Variants in SAMD9L observed in about 807,000 individuals in gnomAD.
The protein encoded by SAMD9L is sterile alpha motif domain containing 9 like, also known as sterile alpha motif domain-containing protein 9-like.
In SAMD9L, 68 loss-of-function variants were observed where a neutral mutation model predicts 90.7. The observed-to-expected ratio is 0.75, with a 90% confidence interval of 0.62 to 0.92. The LOEUF (loss-of-function observed/expected upper bound fraction) is 0.92. Ranked by LOEUF, SAMD9L falls within the 40% of genes least tolerant of loss-of-function variation. The pLI is 0.00. For synonymous variants in SAMD9L, 640 were observed against 630.1 expected, an observed-to-expected ratio of 1.02 and a Z score of -0.23; for missense variants, 1,604 against 1,824.3, an observed-to-expected ratio of 0.88 and a Z score of 2.20.
intron 4 of SAMD9L, among the ~76,000 whole-genome samples, chr7:93,140,599 G>A (rs1478051262): frequency 2.6e-5 from 4 of 152,194 alleles, no homozygotes; most frequent in Non-Finnish European, 4.4e-5. Flanking sequence ...CGGTCACCTT[G>A]TTTCCCATTT....
intron 4 of SAMD9L, among the ~76,000 whole-genome samples, chr7:93,144,429 T>C (rs1175783355): frequency 6.6e-6 from 1 of 152,206 alleles, no homozygotes; most frequent in Non-Finnish European, 1.5e-5. Context: ...TATATAATAT[T>C]ACATTGTATT....
chr7:93,143,500 C>A (rs1289296924), intron 4 of SAMD9L, among the ~76,000 whole-genome samples: 1 of 152,184 alleles, frequency 6.6e-6, no homozygotes. Flanking sequence ...CCTACAACAC[C>A]TCCTCACCAC....
chr7:93,143,350 G>A (rs1305888383), intron 4 of SAMD9L, among the ~76,000 whole-genome samples: 1 of 152,098 alleles, frequency 6.6e-6, no homozygotes, highest in Non-Finnish European at 1.5e-5. Flanking sequence ...CACCCTGACT[G>A]GAACATGGCT....
intron 4 of SAMD9L, among the ~76,000 whole-genome samples, chr7:93,141,832 TAGTC>T (rs1177871630): frequency 6.6e-6 from 1 of 152,240 alleles, no homozygotes; most frequent in African/African-American, 2.4e-5. Flanking sequence ...CACTGACTCT[TAGTC>T]AGTGTCCTCT....
chr7:93,132,806 A>G lies in SAMD9L; in HGVS notation c.3166T>C (p.Ser1056Pro). 1 of 1,613,760 alleles carries G rather than the reference A, an allele frequency of 6.2e-7. No individual in the cohort carries two copies. Among genetic ancestry groups the G allele is most frequent in the Non-Finnish European group, 8.5e-7 (1 of 1,179,786 alleles). Residue 1056 changes from serine (S) to proline (P), a missense_variant, in exon 5 of 5, where the codon TCC (serine) becomes CCC (proline). Transcript: ENST00000318238. ...VYGDETDTLF[S>P]PLMEALQNKD... ...TTCTGTAAAGCTTCCATTAATGGGG[A>G]AAACAGAGTGTCTGTTTCATCTCCA...
chr7:93,142,159 G>A (rs1792717606), intron 4 of SAMD9L, among the ~76,000 whole-genome samples: 1 of 152,012 alleles, frequency 6.6e-6, no homozygotes, highest in Admixed American at 6.6e-5. Context: ...TAAAATTTCA[G>A]TCCTTCCTCC....
rs1286770173 is a variant in SAMD9L, at chr7:93,131,857, G to T, written c.4115C>A (p.Ser1372Ter). Residue 1372 changes from serine (S) to a stop codon, truncating the protein, a stop_gained, in exon 5 of 5, where the codon TCA becomes TAA. Coordinates refer to ENST00000318238, the MANE Select transcript of SAMD9L (RefSeq NM_152703.5). LOFTEE classifies it high-confidence loss of function. ...TTTCTCATTTGTCATGGGCTTTTTT[G>T]AGTTTTGCTGCAGTAGGAAGGCATA... ...NEYAFLLQQN[S>*]KKPMTNEKQN... 1 of 1,611,842 alleles carries T rather than the reference G, an allele frequency of 6.2e-7. No homozygotes were observed. The highest frequency in any genetic ancestry group is 8.5e-7 in the Non-Finnish European group (1 of 1,179,808).
rs180913082 is a variant in SAMD9L, at chr7:93,131,147, A to T, written c.*70T>A. On this transcript the variant is annotated 3_prime_UTR_variant, in exon 5 of 5. Transcript: ENST00000318238. ...GCCATAATGTTATGAAAGTGCCATG[A>T]GAATAGAGAGAGAGAATAAAATCAT... 2 of 1,009,632 alleles carry T rather than the reference A, an allele frequency of 2.0e-6. No homozygotes were observed. The highest frequency in any genetic ancestry group is 2.8e-6 in the Non-Finnish European group (2 of 713,640). The allele number at this position is 1,009,632 out of a possible 1,614,324, so 62.5% of individuals were successfully genotyped here.
At chr7:93,138,121 A>C (rs1049630249) in intron 4 of SAMD9L, among the ~76,000 whole-genome samples, 1 of 152,174 alleles carries the variant, frequency 6.6e-6, no homozygotes, top group African/African-American at 2.4e-5. Flanking sequence ...CAATTAGCAG[A>C]ACCATGAGCA....
In SAMD9L at chr7:93,134,859, C is replaced by T. The variant is rs1189247746; in HGVS notation, c.1113G>A (p.Lys371=). The change falls in exon 5 of 5, where the codon AAG becomes AAA. Residue 371 remains lysine, a synonymous_variant. Coordinates refer to ENST00000318238, the MANE Select transcript of SAMD9L (RefSeq NM_152703.5). ...CCTCTTTTCTAGATGCTACCAGTGA[C>T]TTTAAATTTTGTAAAAATGCCTTGA... ...VDFKAFLQNL[K]SLVASRKEAE... is the part of the protein sequence containing the mutation. 1.9e-6 allele frequency: 3 copies of T among 1,613,892 alleles called. No individual in the cohort carries two copies. In the Admixed American group the frequency reaches 5.0e-5, roughly 27 times the overall value.
rs774821462 is a variant in SAMD9L, at chr7:93,131,559, C to A, written c.4413G>T (p.Gln1471His). 2 of 1,613,830 alleles carry A rather than the reference C, an allele frequency of 1.2e-6. No homozygotes were observed. The highest frequency in any genetic ancestry group is 2.7e-5 in the African/African-American group (2 of 74,882). ...TGCCCAGATAGAAAAGTGTGCTTGC[C>A]TGCTTGGACCTGCACATGCGCTTGT... ...GQYKRMCRSK[Q>H]ASTLFYLGKR... The change falls in exon 5 of 5, where the codon CAG (glutamine) becomes CAT (histidine). Residue 1471 changes from glutamine to histidine, a missense_variant. Coordinates refer to ENST00000318238, the MANE Select transcript of SAMD9L (RefSeq NM_152703.5).
Position 93,131,135 on chromosome 7 carries a change from G to C in SAMD9L, c.*82C>G, listed in dbSNP as rs941641700. 12 of 906,016 alleles carry C rather than the reference G, an allele frequency of 1.3e-5. No individual in the cohort carries two copies. In the Admixed American group the frequency reaches 3.3e-4, roughly 25 times the overall value. The allele number at this position is 906,016 out of a possible 1,614,324, so 56.1% of individuals were successfully genotyped here. On this transcript the variant is annotated 3_prime_UTR_variant, in exon 5 of 5. Transcript: ENST00000318238. ...AATTAGAGGTTAGCCATAATGTTAT[G>C]AAAGTGCCATGAGAATAGAGAGAGA...
In SAMD9L at chr7:93,132,782, T is replaced by A; in HGVS notation, c.3190A>T (p.Asn1064Tyr). The A allele has an allele frequency of 6.2e-7, 1 of 1,613,740 alleles. No individual in the cohort carries two copies. The highest frequency in any genetic ancestry group is 8.5e-7 in the Non-Finnish European group (1 of 1,179,788). ...LFSPLMEALQNKDIEKVLSAG... is the reference protein window; with the variant it reads ...LFSPLMEALQYKDIEKVLSAG... Reference sequence around the variant, plus strand: ...CTCAAGACCTTTTCAATGTCTTTATTCTGTAAAGCTTCCATTAATGGGGAA... The same window carrying A: ...CTCAAGACCTTTTCAATGTCTTTATACTGTAAAGCTTCCATTAATGGGGAA... Residue 1064 changes from asparagine to tyrosine, a missense_variant, in exon 5 of 5, where the codon AAT becomes TAT. Asn to Tyr is a moderately radical substitution (Grantham distance 143, BLOSUM62 -2). Transcript: ENST00000318238.
At position 93,133,418 on chromosome 7, in the gene SAMD9L, C is replaced by T; in HGVS notation, c.2554G>A (p.Ala852Thr). The T allele has an allele frequency of 6.2e-7, 1 of 1,613,408 alleles. No individual in the cohort carries two copies. Among genetic ancestry groups the T allele is most frequent in the Non-Finnish European group, 8.5e-7 (1 of 1,179,418 alleles). Residue 852 changes from alanine (A) to threonine (T), a missense_variant, in exon 5 of 5, where the codon GCA becomes ACA. Physicochemically the swap from Ala to Thr is moderately conservative, Grantham distance 58 (BLOSUM62 0). Transcript: ENST00000318238. The part of the protein sequence containing the change: ...SRNPDESAKL[A>T]DSIALNYQLS... Reference sequence around the variant, plus strand: ...TGGTAATTTAGTGCAATACTGTCTGCCAATTTTGCACTTTCATCTGGATTC... The same window carrying T: ...TGGTAATTTAGTGCAATACTGTCTGTCAATTTTGCACTTTCATCTGGATTC...
Position 93,134,781 on chromosome 7 carries a change from C to T in SAMD9L, c.1191G>A (p.Lys397=), listed in dbSNP as rs1293348075. 3 of 1,613,344 alleles carry T rather than the reference C, an allele frequency of 1.9e-6. No homozygotes were observed. The highest frequency in any genetic ancestry group is 1.3e-5 in the African/African-American group (1 of 75,032). ...GGTTTCCTATGAGAAGTTTAACCAG[C>T]TTTAGTCCTTCACTCTCCTTCTTCA... ...KAMKKESEGL[K]LVKLLIGNRD... is the part of the protein sequence containing the mutation. Residue 397 remains lysine (K), a synonymous_variant, in exon 5 of 5, where the codon AAG becomes AAA. Transcript: ENST00000318238.
Position 93,134,114 on chromosome 7 carries a change from T to G in SAMD9L, c.1858A>C (p.Thr620Pro). 1.2e-6 allele frequency: 2 copies of G among 1,613,882 alleles called. No homozygotes were observed. Among genetic ancestry groups the G allele is most frequent in the Non-Finnish European group, 1.7e-6 (2 of 1,179,802 alleles). Residue 620 changes from threonine to proline, a missense_variant, in exon 5 of 5, where the codon ACT becomes CCT. By Grantham distance (38) the Thr-to-Pro change is conservative. This residue lies in a region of SAMD9L where 606 missense variants were observed against 717.6 expected (regional missense o/e 0.84). Transcript: ENST00000318238. ...STLNIELVNS[T>P]ILKLKSVTRS... ...GTCACCGATTTTAGTTTAAGGATAGTGCTGTTTACCAGTTCTATATTTAAA... is the reference window on the plus strand; with the variant it reads ...GTCACCGATTTTAGTTTAAGGATAGGGCTGTTTACCAGTTCTATATTTAAA...
chr7:93,136,006 T>C lies in SAMD9L; in HGVS notation c.-20-15A>G. 1.4e-6 allele frequency: 2 copies of C among 1,469,444 alleles called. No homozygotes were observed. Among genetic ancestry groups the C allele is most frequent in the Admixed American group, 5.0e-5 (2 of 40,176 alleles). 91.0% of individuals were successfully genotyped at this position (1,469,444 alleles called of 1,614,324 possible). On this transcript the variant is annotated splice_polypyrimidine_tract_variant and intron_variant, in intron 4 of 4. Coordinates refer to ENST00000318238, the MANE Select transcript of SAMD9L (RefSeq NM_152703.5). ...TCAACTTCTTCCTGAGACAAAGCAA[T>C]ATAATAAGTATTTTAGAATTATACT...
Position 93,134,325 on chromosome 7 carries a change from T to C in SAMD9L, c.1647A>G (p.Leu549=). 6.2e-7 allele frequency: 1 copy of C among 1,611,072 alleles called. No homozygotes were observed. Among genetic ancestry groups the C allele is most frequent in the South Asian group, 1.1e-5 (1 of 90,526 alleles). Residue 549 remains leucine (L), a synonymous_variant, in exon 5 of 5, where the codon TTA becomes TTG. Coordinates refer to ENST00000318238, the MANE Select transcript of SAMD9L (RefSeq NM_152703.5). ...TRGKFLVVFL[L]LSSVESPGDP... ...CTCCTGGGCTTTCCACTGAAGAGAGTAATAGAAACACTACCAAAAATTTTC... is the reference window on the plus strand; with the variant it reads ...CTCCTGGGCTTTCCACTGAAGAGAGCAATAGAAACACTACCAAAAATTTTC...
chr7:93,143,755 G>A (rs1792786252), intron 4 of SAMD9L, among the ~76,000 whole-genome samples: 1 of 152,166 alleles, frequency 6.6e-6, no homozygotes, highest in African/African-American at 2.4e-5. Context: ...TTACTTTCAT[G>A]TGAATTTTGC....
Sources: allele counts gnomAD v4.1 joint callset (sites outside exome capture counted in the v4.1 genomes callset), GRCh38; gene constraint gnomAD v4.1.1; regional missense constraint gnomAD v4.1.1; transcripts MANE v1.5; gene names NCBI Gene and HGNC (gene_info 2026-07-23, HGNC 2026-07-21).